The following GFM2 variants were observed in gnomAD, a reference collection of about 807,000 sequenced individuals.
GFM2 encodes GTP dependent ribosome recycling factor mitochondrial 2, also known as ribosome-releasing factor 2, mitochondrial.
GFM2 carries 72 observed loss-of-function variants against 95.4 expected under a neutral mutation model. The ratio of observed to expected loss-of-function variants is 0.76; its 90% confidence interval spans 0.62 to 0.92. The LOEUF is 0.92. Among genes scored for constraint, GFM2 ranks in the 40% least tolerant of loss-of-function variants. GFM2 has a pLI of 0.00. For missense variants in GFM2, 825 were observed against 924.1 expected, an observed-to-expected ratio of 0.89 and a Z score of 1.39; for synonymous variants, 276 against 317.5, an observed-to-expected ratio of 0.87 and a Z score of 1.39.
chr5:74,731,017 T>C (rs2112232728), intron 16 of GFM2, among the ~76,000 whole-genome samples: 1 of 152,244 alleles, frequency 6.6e-6, no homozygotes, highest in East Asian at 1.9e-4. Context: ...TTCTCCATGT[T>C]GGTCAGGCTG....
intron 5 of GFM2, among the ~76,000 whole-genome samples, chr5:74,756,231 T>C (rs1743974383): frequency 6.6e-6 from 1 of 152,182 alleles, no homozygotes; most frequent in African/African-American, 2.4e-5. Flanking sequence ...AAGCTAACTA[T>C]GACAAACCCA....
At chr5:74,748,890 TAAATA>T (rs371140841) in intron 7 of GFM2, among the ~76,000 whole-genome samples, 4 of 76,808 alleles carry the variant, frequency 5.2e-5, no homozygotes, top group Admixed American at 1.5e-4. Flanking sequence ...TAAAATAAAA[TAAATA>T]AAATAAAATA....
intron 5 of GFM2, among the ~76,000 whole-genome samples, chr5:74,753,500 G>C (rs2112332828): frequency 6.6e-6 from 1 of 152,276 alleles, no homozygotes; most frequent in East Asian, 1.9e-4. Flanking sequence ...AAGAGGCTGA[G>C]GTGGGAGAAT....
At position 74,742,296 on chromosome 5, in the gene GFM2, T is replaced by C. The variant is rs1435615975; in HGVS notation, c.850-687A>G. On this transcript the variant is annotated intron_variant, in intron 10 of 20. Transcript: ENST00000296805. ...ACCACACTGTTAACAGGATTAAGTA[T>C]AGCAGAAATGTACCTAACCATCCTT... Among the ~76,000 whole-genome samples the C allele has an allele frequency of 2.0e-5, 3 of 151,608 alleles. No individual in the cohort carries two copies. In the East Asian group the frequency reaches 5.8e-4, roughly 29 times the overall value.
chr5:74,752,044 G>A (rs1023923266), intron 5 of GFM2, among the ~76,000 whole-genome samples: 2 of 152,000 alleles, frequency 1.3e-5, no homozygotes, highest in East Asian at 1.9e-4. Context: ...ATAGCCACAC[G>A]GAATGAGGTA....
At chr5:74,741,676 C>T (rs1743113962) in intron 10 of GFM2, 67 bp from the exon 11 acceptor site, 1 of 763,868 alleles carries the variant, frequency 1.3e-6, no homozygotes, top group Admixed American at 2.7e-5. Context: ...TTTGTCCAAA[C>T]ACCATAAACA....
At chr5:74,740,969 A>T (rs10075965) in intron 11 of GFM2, among the ~76,000 whole-genome samples, 19,879 of 152,158 alleles carry the variant, frequency 0.13, 1,617 homozygotes, top group Middle Eastern at 0.24. Context: ...TAAATTTGCC[A>T]AATTCCATGG....
In GFM2 at chr5:74,750,659, C is replaced by G. The variant is rs1743650521; in HGVS notation, c.439G>C (p.Asp147His). Residue 147 changes from aspartate (D) to histidine (H), a missense_variant, in exon 7 of 21, where the codon GAC becomes CAC. Coordinates refer to ENST00000296805, the MANE Select transcript of GFM2 (RefSeq NM_032380.5). The stretch of plus-strand genomic sequence containing the variant: ...CACCGCTCAACCTCCAAGGTAAAGT[C>G]CACATGACCTAAGAAAAAGATAAGA... ...VNLIDTPGHV[D>H]FTLEVERCLR... 6.2e-7 allele frequency: 1 copy of G among 1,612,004 alleles called. No homozygotes were observed. The highest frequency in any genetic ancestry group is 8.5e-7 in the Non-Finnish European group (1 of 1,178,594).
At chr5:74,736,683 T>C in intron 15 of GFM2, 113 bp downstream of exon 15, 1 of 1,525,468 alleles carries the variant, frequency 6.6e-7, no homozygotes, top group Non-Finnish European at 8.8e-7. Flanking sequence ...TTTACCAATA[T>C]ATTCAGATAA....
At chr5:74,739,546 T>A (rs1026666131) in intron 12 of GFM2, among the ~76,000 whole-genome samples, 1 of 152,148 alleles carries the variant, frequency 6.6e-6, no homozygotes, top group African/African-American at 2.4e-5. Context: ...ATTTTACACA[T>A]TGCTTACTCA....
In GFM2 at chr5:74,730,250, T is replaced by G; in HGVS notation, c.1726+10A>C. 1 of 1,594,176 alleles carries G rather than the reference T, an allele frequency of 6.3e-7. No individual in the cohort carries two copies. The highest frequency in any genetic ancestry group is 1.7e-4 in the Middle Eastern group (1 of 5,934). ...GAGAAAAAGCAAATCCTAAATGTTT[T>G]ACTTTTTACCTGTGGCACGAACTGA... is the stretch of plus-strand genomic sequence containing the variant. On this transcript the variant is annotated intron_variant, in intron 17 of 20. Coordinates refer to ENST00000296805, the MANE Select transcript of GFM2 (RefSeq NM_032380.5).
At position 74,736,888 on chromosome 5, in the gene GFM2, T is replaced by C. The variant is rs752145775; in HGVS notation, c.1418A>G (p.Asn473Ser). 24 of 1,613,852 alleles carry C rather than the reference T, an allele frequency of 1.5e-5. No homozygotes were observed. Among genetic ancestry groups the C allele is most frequent in the African/African-American group, 4.0e-5 (3 of 74,928 alleles). ...AGCCAATAAAAGTCTCTCTGCTTCA[T>C]TGTTTTGTCTGTGCTTCTTTTCTCC... is the stretch of plus-strand genomic sequence containing the variant. Reference protein sequence around the residue: ...REGEKKHRQNNEAERLLLAGV... With the variant: ...REGEKKHRQNSEAERLLLAGV... Residue 473 changes from asparagine (N) to serine (S), a missense_variant, in exon 15 of 21, where the codon AAT (asparagine) becomes AGT (serine). Transcript: ENST00000296805.
Position 74,733,110 on chromosome 5 carries a change from A to T in GFM2, c.1511-12T>A. ...CGCATGTTCCAAATCTATGGGATAA[A>T]CAACTGTTATCTTTACATTTCATTT... On this transcript the variant is annotated splice_polypyrimidine_tract_variant and intron_variant, in intron 15 of 20. Coordinates refer to ENST00000296805, the MANE Select transcript of GFM2 (RefSeq NM_032380.5). 1.3e-6 allele frequency: 2 copies of T among 1,572,220 alleles called. No individual in the cohort carries two copies. The highest frequency in any genetic ancestry group is 1.8e-6 in the Non-Finnish European group (2 of 1,141,990).
At chr5:74,747,555 A>T in intron 8 of GFM2, 137 bp downstream of exon 8, 1 of 541,140 alleles carries the variant, frequency 1.8e-6, no homozygotes, top group East Asian at 3.1e-5. Flanking sequence ...ATGGGAATAA[A>T]CTGGGATTCC....
intron 3 of GFM2, 123 bp from the exon 4 acceptor site, chr5:74,759,549 CT>C: frequency 1.8e-6 from 1 of 548,042 alleles, no homozygotes; most frequent in Non-Finnish European, 3.3e-6. Context: ...AAAATTCAAG[CT>C]AAATAAATCT....
chr5:74,745,597 C>T lies in GFM2; in HGVS notation c.849+81G>A, dbSNP rs974628945. 45 of 1,221,540 alleles carry T rather than the reference C, an allele frequency of 3.7e-5. 1 individual carries two copies. The highest frequency in any genetic ancestry group is 4.6e-5 in the African/African-American group (3 of 65,896). 75.7% of individuals were successfully genotyped at this position (1,221,540 alleles called of 1,614,324 possible). On this transcript the variant is annotated intron_variant, in intron 10 of 20. Coordinates refer to ENST00000296805, the MANE Select transcript of GFM2 (RefSeq NM_032380.5). ...CACAGGAGGTCCTGCAACCAATCCCCGAGAGATGCTAAAGTATGACTATAT... is the reference window on the plus strand; with the variant it reads ...CACAGGAGGTCCTGCAACCAATCCCTGAGAGATGCTAAAGTATGACTATAT...
chr5:74,759,372 G>A lies in GFM2; in HGVS notation c.203C>T (p.Ala68Val), dbSNP rs1317059707. The change falls in exon 4 of 21, where the codon GCT (alanine) becomes GTT (valine). Residue 68 changes from alanine (A) to valine (V), a missense_variant. Physicochemically the swap from Ala to Val is moderately conservative, Grantham distance 64 (BLOSUM62 0). Transcript: ENST00000296805. ...ATGATATAATGATAGTACTTACTTA[G>A]CTATGGGAGGATTGATGATGGAATG... Reference protein sequence around the residue: ...SLHSIINPPIAKIRNIGIMAH... With the variant: ...SLHSIINPPIVKIRNIGIMAH... 6.6e-7 allele frequency: 1 copy of A among 1,510,362 alleles called. No individual in the cohort carries two copies. 93.6% of individuals were successfully genotyped at this position (1,510,362 alleles called of 1,614,324 possible). A position where few individuals can be genotyped will look rare whatever the true frequency, so the allele number is the denominator to read the frequency against.
chr5:74,731,212 TC>T (rs1407512528), intron 16 of GFM2, among the ~76,000 whole-genome samples: 2 of 152,320 alleles, frequency 1.3e-5, no homozygotes, highest in Middle Eastern at 3.4e-3. Flanking sequence ...AAAAAACCTT[TC>T]CCAACAACAT....
Position 74,730,297 on chromosome 5 carries a change from T to C in GFM2, c.1689A>G (p.Ala563=). The part of the protein sequence containing the change: ...LETYLGPLQV[A]YRETILNSVR... ...CTGAGTTTAGGATGGTCTCTCGATA[T>C]GCCACCTGGAGAGGCCCGAGATAGG... Residue 563 remains alanine, a synonymous_variant, in exon 17 of 21, where the codon GCA becomes GCG. Transcript: ENST00000296805. The C allele has an allele frequency of 1.2e-6, 2 of 1,612,646 alleles. No individual in the cohort carries two copies. The highest frequency in any genetic ancestry group is 1.1e-5 in the South Asian group (1 of 90,802).
Sources: allele counts gnomAD v4.1 joint callset (sites outside exome capture counted in the v4.1 genomes callset), GRCh38; gene constraint gnomAD v4.1.1; transcripts MANE v1.5; gene names NCBI Gene and HGNC (gene_info 2026-07-23, HGNC 2026-07-21).